Variants in CLTB observed in about 807,000 individuals in gnomAD.
CLTB encodes the protein clathrin, light chain (Lcb).
Under a neutral mutation model 30.5 loss-of-function variants are expected in CLTB, and 10 were observed. The ratio of observed to expected loss-of-function variants is 0.33; its 90% CI spans 0.20 to 0.56. The LOEUF is 0.56. Ranked by LOEUF, CLTB falls within the 20% of genes least tolerant of loss-of-function variation. CLTB has a pLI of 0.91. For missense variants in CLTB, 261 were observed against 308.3 expected (o/e 0.85, Z 1.15); for synonymous variants, 102 against 120.3 (o/e 0.85, Z 1.00).
At chr5:176,410,397 T>G (rs1022205326) in intron 1 of CLTB, 94 bp from the exon 2 acceptor site, 1 of 919,640 alleles carries the variant, frequency 1.1e-6, no homozygotes, top group South Asian at 1.5e-5. Flanking sequence ...AAACTCTGTG[T>G]ATACCCATGT....
In CLTB at chr5:176,412,286, C is replaced by G. The variant is rs1757482609; in HGVS notation, c.188-1983G>C. ...CCTCTGCTTCCTTTACTTCCCTAGG[C>G]ACTTACGGAAGGTCTCACTTCCGGG... is the stretch of plus-strand genomic sequence containing the variant. On this transcript the variant is annotated intron_variant, in intron 1 of 5. Coordinates refer to ENST00000310418, the MANE Select transcript of CLTB (RefSeq NM_007097.5). 2.0e-5 allele frequency among the ~76,000 whole-genome samples: 3 copies of G among 152,072 alleles called. 1 individual carries two copies. In the South Asian group the frequency reaches 6.2e-4, roughly 32 times the overall value.
At position 176,416,243 on chromosome 5, in the gene CLTB, C is replaced by A. The variant is rs1757686175; in HGVS notation, c.121G>T (p.Asp41Tyr). Residue 41 changes from aspartate (D) to tyrosine (Y), a missense_variant, in exon 1 of 6, where the codon GAC (aspartate) becomes TAC (tyrosine). Transcript: ENST00000310418. The stretch of plus-strand genomic sequence containing the variant: ...CCGGCAGGTGCCCCGAAGCCCTCGT[C>A]GTTCTCTATGCCTGCAATCTCGCTC... The part of the protein sequence containing the change: ...QESEIAGIEN[D>Y]EGFGAPAGSH... 2 of 1,600,778 alleles carry A rather than the reference C, an allele frequency of 1.2e-6. No homozygotes were observed. The highest frequency in any genetic ancestry group is 2.2e-5 in the South Asian group (2 of 90,082).
chr5:176,415,040 G>A (rs1266011824), intron 1 of CLTB, among the ~76,000 whole-genome samples: 1 of 152,112 alleles, frequency 6.6e-6, no homozygotes, highest in Non-Finnish European at 1.5e-5. Context: ...ACATCAACAG[G>A]AAGTAAAACC....
At chr5:176,398,894 G>A (rs777501297) in intron 2 of CLTB, among the ~76,000 whole-genome samples, 4 of 151,570 alleles carry the variant, frequency 2.6e-5, no homozygotes, top group Non-Finnish European at 4.4e-5. Flanking sequence ...CCAGGCTGGA[G>A]TGCAATGGTG....
At chr5:176,403,834 G>A (rs1400455105) in intron 2 of CLTB, among the ~76,000 whole-genome samples, 1 of 152,016 alleles carries the variant, frequency 6.6e-6, no homozygotes, top group Non-Finnish European at 1.5e-5. Context: ...ATCTCTGCTC[G>A]CTGAAACCTC....
rs541208346 is a variant in CLTB, at chr5:176,404,827, C to T, written c.234+5430G>A. 9.8e-5 allele frequency among the ~76,000 whole-genome samples: 15 copies of T among 152,320 alleles called. No individual in the cohort carries two copies. The South Asian group carries it at 1.2e-3, about 13-fold the overall frequency. On this transcript the variant is annotated intron_variant, in intron 2 of 5. Transcript: ENST00000310418. The stretch of plus-strand genomic sequence containing the variant: ...CCTCTGTGGCTTTGCACATGCTCTT[C>T]CCTTGGCCTTGGCCAAGGCCACCCA...
At chr5:176,414,898 T>TG (rs1161572068) in intron 1 of CLTB, among the ~76,000 whole-genome samples, 5 of 152,232 alleles carry the variant, frequency 3.3e-5, no homozygotes, top group African/African-American at 1.2e-4. Context: ...TGACACACAG[T>TG]AGGTGCTCAG....
intron 5 of CLTB, among the ~76,000 whole-genome samples, chr5:176,395,701 G>A (rs1756488916): frequency 6.6e-6 from 1 of 152,162 alleles, no homozygotes; most frequent in Non-Finnish European, 1.5e-5. Flanking sequence ...CATGTGAGGG[G>A]GCCTGTGGTG....
intron 2 of CLTB, chr5:176,405,510 AAAAAG>A (rs796669293): frequency 6.6e-6 from 1 of 150,572 alleles, no homozygotes; most frequent in Non-Finnish European, 1.5e-5. Flanking sequence ...AAAAAAAAAG[AAAAAG>A]AAAAAGAAAA....
chr5:176,394,275 A>G (rs1283678822), intron 5 of CLTB, among the ~76,000 whole-genome samples: 2 of 152,236 alleles, frequency 1.3e-5, no homozygotes, highest in Non-Finnish European at 2.9e-5. Context: ...TGGCATCAGC[A>G]TGACGACAGA....
Position 176,392,549 on chromosome 5 carries a change from A to G in CLTB, c.*225T>C. 1.8e-6 allele frequency: 1 copy of G among 545,092 alleles called. No individual in the cohort carries two copies. Among genetic ancestry groups the G allele is most frequent in the South Asian group, 2.7e-5 (1 of 36,836 alleles). The allele number at this position is 545,092 out of a possible 1,614,324, so 33.8% of individuals were successfully genotyped here. A position where few individuals can be genotyped will look rare whatever the true frequency, so the allele number is the denominator to read the frequency against. ...AGAAAAAAAATACATCAGGAGGGAC[A>G]GTCACAATTGAGTAGACTGAGAGGA... On this transcript the variant is annotated 3_prime_UTR_variant, in exon 6 of 6. Transcript: ENST00000310418. The surrounding 1 kb of genome is among the most constrained non-coding windows in gnomAD (Gnocchi z 5.2).
At position 176,416,400 on chromosome 5, in the gene CLTB, G is replaced by T; in HGVS notation, c.-37C>A. The T allele has an allele frequency of 2.6e-6, 4 of 1,548,982 alleles. No homozygotes were observed. The highest frequency in any genetic ancestry group is 3.5e-6 in the Non-Finnish European group (4 of 1,152,238). On this transcript the variant is annotated 5_prime_UTR_variant, in exon 1 of 6. Transcript: ENST00000310418. ...CTCCGCCGGAGCCTCCGCTGCGCTCGGCTCTGCCCGCGCCTGCCCCGCGCT... is the reference window on the plus strand; with the variant it reads ...CTCCGCCGGAGCCTCCGCTGCGCTCTGCTCTGCCCGCGCCTGCCCCGCGCT...
chr5:176,397,608 G>T lies in CLTB; in HGVS notation c.463C>A (p.Arg155=), dbSNP rs765062245. Residue 155 remains arginine (R), a splice_region_variant and synonymous_variant, in exon 4 of 6, where the codon CGG becomes AGG. Transcript: ENST00000310418. The stretch of plus-strand genomic sequence containing the variant: ...CTCATGTCCCTACAGCCCTCTCACC[G>T]GTTGTTGATCTTGTTCTTCTCTACT... The part of the protein sequence containing the change: ...EQVEKNKINN[R]IADKAFYQQP... 2 of 1,429,958 alleles carry T rather than the reference G, an allele frequency of 1.4e-6. No homozygotes were observed. Among genetic ancestry groups the T allele is most frequent in the Non-Finnish European group, 9.4e-7 (1 of 1,068,600 alleles). 88.6% of individuals were successfully genotyped at this position (1,429,958 alleles called of 1,614,324 possible).
At chr5:176,410,234 T>C (rs756725294) in intron 2 of CLTB, 23 bp downstream of exon 2, 1 of 1,612,208 alleles carries the variant, frequency 6.2e-7, no homozygotes, top group Non-Finnish European at 8.5e-7. Flanking sequence ...TCCTTACCAC[T>C]GCTGAGACAG....
At chr5:176,400,882 C>T (rs80335911) in intron 2 of CLTB, among the ~76,000 whole-genome samples, 1,628 of 152,292 alleles carry the variant, frequency 0.011, 16 homozygotes, top group Non-Finnish European at 0.017. Context: ...AGCAGGCACC[C>T]GGTTCAAGGA....
intron 2 of CLTB, among the ~76,000 whole-genome samples, chr5:176,402,040 C>T (rs1225830958): frequency 2.0e-5 from 3 of 152,182 alleles, no homozygotes; most frequent in African/African-American, 4.8e-5. Context: ...CGGTGGCTCG[C>T]GCCTATAATC....
At chr5:176,408,754 C>T (rs183885582) in intron 2 of CLTB, among the ~76,000 whole-genome samples, 21 of 152,208 alleles carry the variant, frequency 1.4e-4, no homozygotes, top group African/African-American at 5.1e-4. Flanking sequence ...CTCCTGGATT[C>T]ACATGATCTT....
In CLTB at chr5:176,396,443, T is replaced by G. The variant is rs564656616; in HGVS notation, c.518+36A>C. Reference sequence around the variant, plus strand: ...GAAACTGTGGTGGCCATTCCCTCTCTAGCTCCCCCAACAGAGAAGCAAAAC... The same window carrying G: ...GAAACTGTGGTGGCCATTCCCTCTCGAGCTCCCCCAACAGAGAAGCAAAAC... On this transcript the variant is annotated intron_variant, in intron 5 of 5. Transcript: ENST00000310418. 1.7e-4 allele frequency: 263 copies of G among 1,580,558 alleles called. 3 individuals are homozygous for G. In the South Asian group the frequency reaches 2.6e-3, roughly 16 times the overall value.
intron 1 of CLTB, among the ~76,000 whole-genome samples, chr5:176,412,376 C>T (rs1336727958): frequency 3.0e-4 from 46 of 152,182 alleles, no homozygotes; most frequent in Non-Finnish European, 1.5e-5. Context: ...CCCCAGGGTC[C>T]GTGTGTACCC....
Sources: gnomAD v4.1 joint callset for allele counts (sites outside exome capture counted in the v4.1 genomes callset) on GRCh38, gnomAD v4.1.1 for gene constraint, Gnocchi (gnomAD v3.1) non-coding constraint, MANE v1.5 for transcripts, NCBI Gene and HGNC (gene_info 2026-07-23, HGNC 2026-07-21) for gene names.